The following TTC28 variants were observed in gnomAD, a reference collection of about 807,000 sequenced individuals.
The protein encoded by TTC28 is tetratricopeptide repeat domain 28.
TTC28 carries 61 observed loss-of-function variants against 198.0 expected under a neutral mutation model. The observed-to-expected ratio is 0.31, with a 90% CI of 0.25 to 0.38. The LOEUF is 0.38. Ranked by LOEUF, TTC28 falls within the 10% of genes least tolerant of loss-of-function variation. TTC28 has a pLI of 1.00. For missense variants in TTC28, 2,678 were observed against 3,164.0 expected (o/e 0.85, Z 3.69); for synonymous variants, 1,171 against 1,297.8 (o/e 0.90, Z 2.10).
chr22:27,998,968 C>A lies in TTC28; in HGVS notation c.4691G>T (p.Gly1564Val). Residue 1564 changes from glycine (G) to valine (V), a missense_variant, in exon 16 of 23, where the codon GGC becomes GTC. By Grantham distance (109) the Gly-to-Val change is moderately radical. Around this residue, in one of 8 missense-constraint regions of TTC28, gnomAD observed 727 missense variants for 861.9 expected, o/e 0.84. Transcript: ENST00000397906. Reference protein sequence around the residue: ...SALVLTPSMDGNPASSKSSFG... With the variant: ...SALVLTPSMDVNPASSKSSFG... The stretch of plus-strand genomic sequence containing the variant: ...GGAGCTCTTGCTGCTGGCAGGGTTG[C>A]CGTCCATGCTGGGCGTGAGGACCAA... 6.4e-7 allele frequency: 1 copy of A among 1,550,672 alleles called. No homozygotes were observed. Among genetic ancestry groups the A allele is most frequent in the South Asian group, 1.2e-5 (1 of 84,060 alleles).
chr22:28,482,882 C>T (rs1036037522), intron 2 of TTC28, among the ~76,000 whole-genome samples: 13 of 152,168 alleles, frequency 8.5e-5, no homozygotes, highest in Non-Finnish European at 1.6e-4. Flanking sequence ...GAGGCTCATT[C>T]ATGTTACAGC....
In TTC28 at chr22:28,023,489, T is replaced by G. The variant is rs368557937; in HGVS notation, c.4073+6737A>C. On this transcript the variant is annotated intron_variant, in intron 13 of 22. Coordinates refer to ENST00000397906, the MANE Select transcript of TTC28 (RefSeq NM_001145418.2). The stretch of plus-strand genomic sequence containing the variant: ...ATGGAGAGAAGAAAAGACAACCTGG[T>G]GTATGGCAGCCTGCCCAGCTGATGC... 1.5e-3 allele frequency among the ~76,000 whole-genome samples: 232 copies of G among 152,342 alleles called. 2 individuals carry two copies. Among genetic ancestry groups the G allele is most frequent in the African/African-American group, 5.3e-3 (221 of 41,578 alleles).
chr22:28,380,693 G>A (rs2046481179), intron 2 of TTC28, among the ~76,000 whole-genome samples: 1 of 152,098 alleles, frequency 6.6e-6, no homozygotes, highest in Non-Finnish European at 1.5e-5. Flanking sequence ...CAGTTTTATG[G>A]AACAAAAAGC....
At chr22:28,161,613 C>A (rs918091590) in intron 6 of TTC28, among the ~76,000 whole-genome samples, 9 of 151,596 alleles carry the variant, frequency 5.9e-5, no homozygotes, top group African/African-American at 2.2e-4. Flanking sequence ...ATGATTGCAC[C>A]ACTATACTCC....
chr22:28,126,974 C>T (rs1282795326), intron 6 of TTC28, among the ~76,000 whole-genome samples: 1 of 152,240 alleles, frequency 6.6e-6, no homozygotes, highest in African/African-American at 2.4e-5. Context: ...TCAAGCAATC[C>T]TCCTGCCTCA....
At chr22:28,101,043 T>C in intron 9 of TTC28, 128 bp downstream of exon 9, 2 of 635,996 alleles carry the variant, frequency 3.1e-6, no homozygotes, top group Non-Finnish European at 5.3e-6. Context: ...AGGCGGGAAA[T>C]CATACACATT....
At chr22:28,647,552 C>T (rs2051488544) in intron 1 of TTC28, among the ~76,000 whole-genome samples, 3 of 152,012 alleles carry the variant, frequency 2.0e-5, no homozygotes, top group Non-Finnish European at 4.4e-5. Context: ...AAAAAGCGGG[C>T]AAATGGGCCA....
intron 2 of TTC28, among the ~76,000 whole-genome samples, chr22:28,455,750 T>C (rs966724269): frequency 2.0e-5 from 3 of 152,038 alleles, no homozygotes; most frequent in Non-Finnish European, 4.4e-5. Flanking sequence ...CCTTGAAATG[T>C]TCCCTTCATT....
At position 28,107,684 on chromosome 22, in the gene TTC28, C is replaced by T; in HGVS notation, c.2161G>A (p.Gly721Ser). The T allele has an allele frequency of 6.4e-7, 1 of 1,551,668 alleles. No individual in the cohort carries two copies. The highest frequency in any genetic ancestry group is 8.7e-7 in the Non-Finnish European group (1 of 1,146,976). ...QAKFRALGNL[G>S]DIFICKKDIN... ...TCTTTTTTACAGATGAATATATCGC[C>T]CAGGTTTCCTAGGGCTCGAAATTTA... The change falls in exon 7 of 23, where the codon GGC becomes AGC. Residue 721 changes from glycine to serine, a missense_variant. Physicochemically the swap from Gly to Ser is moderately conservative, Grantham distance 56 (BLOSUM62 0). Transcript: ENST00000397906.
chr22:28,199,548 T>TATATATATATATAC (rs60177369), intron 5 of TTC28, among the ~76,000 whole-genome samples: 3 of 147,434 alleles, frequency 2.0e-5, no homozygotes, highest in African/African-American at 5.1e-5. Flanking sequence ...TATATATATA[T>TATATATATATATAC]ACACACAAAC....
chr22:28,644,211 A>G (rs367860239), intron 1 of TTC28, among the ~76,000 whole-genome samples: 24 of 151,588 alleles, frequency 1.6e-4, no homozygotes, highest in Admixed American at 1.1e-3. Context: ...CATCCTGGCT[A>G]ACACGGTGAA....
chr22:28,263,221 A>G (rs1037271733), intron 5 of TTC28, among the ~76,000 whole-genome samples: 16 of 152,198 alleles, frequency 1.1e-4, no homozygotes, highest in African/African-American at 3.9e-4. Context: ...TATACTATAC[A>G]TGATGTAAAT....
intron 2 of TTC28, among the ~76,000 whole-genome samples, chr22:28,434,930 T>C (rs1168594004): frequency 6.6e-6 from 1 of 152,176 alleles, no homozygotes; most frequent in East Asian, 1.9e-4. Flanking sequence ...CAATATGATG[T>C]AAATCTAAAA....
rs1342487388 is a variant in TTC28, at chr22:28,070,538, T to G, written c.3932+23542A>C. 2.6e-5 allele frequency among the ~76,000 whole-genome samples: 4 copies of G among 152,190 alleles called. No individual in the cohort carries two copies. In the East Asian group the frequency reaches 7.7e-4, roughly 29 times the overall value. ...GATCCACTCCTGTAATCTCAGCACT[T>G]TGGGAGGACAAGATGGGTGGATCAC... On this transcript the variant is annotated intron_variant, in intron 12 of 22. Coordinates refer to ENST00000397906, the MANE Select transcript of TTC28 (RefSeq NM_001145418.2).
intron 2 of TTC28, among the ~76,000 whole-genome samples, chr22:28,429,735 G>A (rs547932457): frequency 6.6e-6 from 1 of 152,064 alleles, no homozygotes; most frequent in African/African-American, 2.4e-5. Flanking sequence ...TGGTATAATT[G>A]AATACTTAAA....
At chr22:28,556,094 C>A (rs1051969740) in intron 2 of TTC28, among the ~76,000 whole-genome samples, 1 of 151,972 alleles carries the variant, frequency 6.6e-6, no homozygotes, top group Non-Finnish European at 1.5e-5. Context: ...CACAGTGGCT[C>A]ATGCCTGTAA....
intron 2 of TTC28, among the ~76,000 whole-genome samples, chr22:28,385,383 G>C (rs563668325): frequency 6.6e-6 from 1 of 150,426 alleles, no homozygotes; most frequent in East Asian, 2.0e-4. Context: ...CAAGGCTTCA[G>C]TTTGTTCACT....
intron 12 of TTC28, among the ~76,000 whole-genome samples, chr22:28,034,282 G>A (rs987041133): frequency 2.6e-5 from 4 of 152,172 alleles, no homozygotes; most frequent in African/African-American, 9.7e-5. Context: ...GAAAAGGAGG[G>A]CACTCCTGGC....
intron 5 of TTC28, among the ~76,000 whole-genome samples, chr22:28,261,099 A>G (rs538611919): frequency 6.6e-6 from 1 of 152,234 alleles, no homozygotes; most frequent in East Asian, 1.9e-4. Context: ...TCCTAGCCTT[A>G]GGTGTATCAC....
Sources: allele counts gnomAD v4.1 joint callset (sites outside exome capture counted in the v4.1 genomes callset), GRCh38; gene constraint gnomAD v4.1.1; regional missense constraint gnomAD v4.1.1; transcripts MANE v1.5; gene names NCBI Gene and HGNC (gene_info 2026-07-23, HGNC 2026-07-21).